Variants in DLGAP3 observed in about 807,000 individuals in gnomAD.
DLGAP3 encodes the protein DLG associated protein 3, also known as disks large-associated protein 3.
In DLGAP3, 17 loss-of-function variants were observed where a neutral mutation model predicts 81.2. The observed-to-expected ratio is 0.21, with a 90% CI of 0.14 to 0.31. The LOEUF is 0.31. Ranked by LOEUF, DLGAP3 falls within the 10% of genes least tolerant of loss-of-function variation. DLGAP3 has a pLI of 1.00. For synonymous variants in DLGAP3, 577 were observed against 587.4 expected, an observed-to-expected ratio of 0.98 and a Z score of 0.26; for missense variants, 1,124 against 1,388.0, an observed-to-expected ratio of 0.81 and a Z score of 3.02.
intron 7 of DLGAP3, 66 bp from the exon 8 acceptor site, chr1:34,885,129 C>A (rs1408215515): frequency 2.6e-5 from 38 of 1,459,484 alleles, no homozygotes; most frequent in Non-Finnish European, 3.2e-5. Flanking sequence ...CCGGGGAGAA[C>A]GGCTAGCAAT....
intron 1 of DLGAP3, among the ~76,000 whole-genome samples, chr1:34,926,359 A>C (rs1482049172): frequency 6.6e-6 from 1 of 152,200 alleles, no homozygotes; most frequent in Non-Finnish European, 1.5e-5. Flanking sequence ...CCTCGTTACC[A>C]TAACGATGGT....
intron 2 of DLGAP3, among the ~76,000 whole-genome samples, chr1:34,907,007 C>G (rs1481930015): frequency 6.6e-6 from 1 of 152,130 alleles, no homozygotes; most frequent in Non-Finnish European, 1.5e-5. Flanking sequence ...GGAGGGATGA[C>G]AGCCTCAAAG....
At chr1:34,891,577 A>G (rs905885783) in intron 5 of DLGAP3, among the ~76,000 whole-genome samples, 1 of 152,208 alleles carries the variant, frequency 6.6e-6, no homozygotes, top group Non-Finnish European at 1.5e-5. Flanking sequence ...TCCCTAGCCA[A>G]TGGAGCTTAT....
In DLGAP3 at chr1:34,905,407, G is replaced by T; in HGVS notation, c.-24C>A. The T allele has an allele frequency of 1.3e-6, 2 of 1,540,676 alleles. No homozygotes were observed. The highest frequency in any genetic ancestry group is 1.8e-6 in the Non-Finnish European group (2 of 1,141,956). On this transcript the variant is annotated 5_prime_UTR_variant, in exon 3 of 12. Transcript: ENST00000373347. ...ATGGCCTCAGCAAAGGCTCTTCATA[G>T]TCTTGGGGGCCAGGCCCCAGGAACC...
rs1165657544 is a variant in DLGAP3 at position 34,873,288 on chromosome 1, A to G, written c.2001-4199T>C. Among the ~76,000 whole-genome samples the G allele has an allele frequency of 1.3e-5, 2 of 152,164 alleles. No individual in the cohort carries two copies. Among genetic ancestry groups the G allele is most frequent in the African/African-American group, 4.8e-5 (2 of 41,446 alleles). ...CCACCAGTTGACCCCAATCATCACA[A>G]TGAAGTGGGCGATGGGGGGTGGTTA... is the stretch of plus-strand genomic sequence containing the variant. On this transcript the variant is annotated intron_variant, in intron 8 of 11. Coordinates refer to ENST00000373347, the MANE Select transcript of DLGAP3 (RefSeq NM_001080418.3). This position sits in a 1 kb window ranked among gnomAD's most constrained non-coding sequence, Gnocchi z 4.2.
chr1:34,913,508 C>G (rs533717110), intron 1 of DLGAP3, among the ~76,000 whole-genome samples: 1 of 152,306 alleles, frequency 6.6e-6, no homozygotes, highest in Admixed American at 6.5e-5. Flanking sequence ...GAGCTGCAAC[C>G]CTGGGTATGT....
At chr1:34,871,307 A>G (rs1638976570) in intron 8 of DLGAP3, among the ~76,000 whole-genome samples, 1 of 152,106 alleles carries the variant, frequency 6.6e-6, no homozygotes, top group African/African-American at 2.4e-5. Context: ...CCTGACTCCA[A>G]GCCTTTGCAC....
chr1:34,868,622 T>A lies in DLGAP3; in HGVS notation c.2468A>T (p.Tyr823Phe). The change falls in exon 9 of 12, where the codon TAT becomes TTT. Residue 823 changes from tyrosine (Y) to phenylalanine (F), a missense_variant. Around this residue, in one of 9 missense-constraint regions of DLGAP3, gnomAD observed 379 missense variants for 455.7 expected, o/e 0.83. Coordinates refer to ENST00000373347, the MANE Select transcript of DLGAP3 (RefSeq NM_001080418.3). The surrounding 1 kb of genome is among the most constrained non-coding windows in gnomAD (Gnocchi z 7.5). Reference protein sequence around the residue: ...CQQMEREAEDYELPEEILEKI... With the variant: ...CQQMEREAEDFELPEEILEKI... ...TGACTCACTCTCCTCGGGTAGCTCATAGTCCTCCGCCTCACGCTCCATCTG... is the reference window on the plus strand; with the variant it reads ...TGACTCACTCTCCTCGGGTAGCTCAAAGTCCTCCGCCTCACGCTCCATCTG... The A allele has an allele frequency of 6.2e-7, 1 of 1,613,004 alleles. No homozygotes were observed. Among genetic ancestry groups the A allele is most frequent in the Non-Finnish European group, 8.5e-7 (1 of 1,179,942 alleles).
Position 34,885,493 on chromosome 1 carries a change from C to T in DLGAP3, c.1899G>A (p.Pro633=). The T allele has an allele frequency of 2.5e-6, 4 of 1,606,518 alleles. No individual in the cohort carries two copies. The highest frequency in any genetic ancestry group is 3.4e-6 in the Non-Finnish European group (4 of 1,179,720). Residue 633 remains proline, a synonymous_variant, in exon 7 of 12, where the codon CCG becomes CCA. Coordinates refer to ENST00000373347, the MANE Select transcript of DLGAP3 (RefSeq NM_001080418.3). ...RSLARQRKWR[P]SIGVQVETIS... The stretch of plus-strand genomic sequence containing the variant: ...CGTTCCATACCTGCACCCCAATGGA[C>T]GGCCGCCACTTCCGCTGCCGCGCCA...
rs58584282 is a variant in DLGAP3, at chr1:34,874,585, A to G, written c.2001-5496T>C. Among the ~76,000 whole-genome samples the G allele has an allele frequency of 4.6e-3, 706 of 152,342 alleles. 8 individuals carry two copies. Among genetic ancestry groups the G allele is most frequent in the African/African-American group, 0.017 (693 of 41,586 alleles). On this transcript the variant is annotated intron_variant, in intron 8 of 11. Coordinates refer to ENST00000373347, the MANE Select transcript of DLGAP3 (RefSeq NM_001080418.3). ...GAAGCCTCCTCCCTTTGAGTGCTCCAAGGTGACAATGATTACATTCCTGAT... is the reference window on the plus strand; with the variant it reads ...GAAGCCTCCTCCCTTTGAGTGCTCCGAGGTGACAATGATTACATTCCTGAT...
intron 5 of DLGAP3, among the ~76,000 whole-genome samples, chr1:34,893,677 T>C (rs1639346674): frequency 6.7e-6 from 1 of 149,196 alleles, no homozygotes; most frequent in Non-Finnish European, 1.5e-5. Flanking sequence ...GCAATGCTCC[T>C]ATATTTTACC....
intron 7 of DLGAP3, 85 bp downstream of exon 7, chr1:34,885,393 A>G: frequency 7.0e-7 from 1 of 1,421,806 alleles, no homozygotes; most frequent in Non-Finnish European, 9.7e-7. Context: ...GAATGTCGAT[A>G]TATCCAGAAG....
At chr1:34,925,057 C>T (rs1315915825) in intron 1 of DLGAP3, among the ~76,000 whole-genome samples, 2 of 152,158 alleles carry the variant, frequency 1.3e-5, no homozygotes, top group Non-Finnish European at 2.9e-5. Flanking sequence ...ATTGCCGGCC[C>T]CGGTAGCCAG....
At chr1:34,872,151 G>C (rs1237672692) in intron 8 of DLGAP3, among the ~76,000 whole-genome samples, 2 of 152,200 alleles carry the variant, frequency 1.3e-5, no homozygotes, top group Non-Finnish European at 2.9e-5. Flanking sequence ...AAGCCAGAAA[G>C]GAAGGGGGAG....
chr1:34,904,259 A>G lies in DLGAP3; in HGVS notation c.1107+18T>C. On this transcript the variant is annotated intron_variant, in intron 3 of 11. Coordinates refer to ENST00000373347, the MANE Select transcript of DLGAP3 (RefSeq NM_001080418.3). The surrounding 1 kb of genome is among the most constrained non-coding windows in gnomAD (Gnocchi z 8.1). ...TGAAGGCTAAGGACTCTGTTCCCCAACCCCAAAAAAGCCTCACCTGCAGAT... is the reference window on the plus strand; with the variant it reads ...TGAAGGCTAAGGACTCTGTTCCCCAGCCCCAAAAAAGCCTCACCTGCAGAT... The G allele has an allele frequency of 6.2e-7, 1 of 1,600,694 alleles. No homozygotes were observed. Among genetic ancestry groups the G allele is most frequent in the Non-Finnish European group, 8.5e-7 (1 of 1,179,896 alleles).
intron 7 of DLGAP3, 89 bp from the exon 8 acceptor site, chr1:34,885,152 A>T (rs1639199275): frequency 7.8e-7 from 1 of 1,286,938 alleles, no homozygotes; most frequent in African/African-American, 1.5e-5. Context: ...CTGCGCCCCA[A>T]GCCAGCTGGC....
chr1:34,901,723 T>C (rs1225245935), intron 3 of DLGAP3, among the ~76,000 whole-genome samples: 1 of 152,208 alleles, frequency 6.6e-6, no homozygotes, highest in East Asian at 1.9e-4. Context: ...TGCCAGGACA[T>C]GTCAATGACA....
At position 34,917,186 on chromosome 1, in the gene DLGAP3, A is replaced by G. The variant is rs115629322; in HGVS notation, c.-134-9749T>C. On this transcript the variant is annotated intron_variant, in intron 1 of 11. Coordinates refer to ENST00000373347, the MANE Select transcript of DLGAP3 (RefSeq NM_001080418.3). ...CACAAATTAACAGGTGTTCAGCCAG[A>G]GGCAAATTACACAGCCACGCAGTCA... Among the ~76,000 whole-genome samples, 765 of 152,252 alleles carry G rather than the reference A, an allele frequency of 5.0e-3. 8 individuals are homozygous for G. Among genetic ancestry groups the G allele is most frequent in the African/African-American group, 0.018 (738 of 41,530 alleles).
chr1:34,900,414 G>T lies in DLGAP3; in HGVS notation c.1108-141C>A, dbSNP rs1227065285. 2 of 861,842 alleles carry T rather than the reference G, an allele frequency of 2.3e-6. No individual in the cohort carries two copies. Among genetic ancestry groups the T allele is most frequent in the Non-Finnish European group, 3.8e-6 (2 of 528,326 alleles). The allele number at this position is 861,842 out of a possible 1,614,324, so 53.4% of individuals were successfully genotyped here. A position where few individuals can be genotyped will look rare whatever the true frequency, so the allele number is the denominator to read the frequency against. On this transcript the variant is annotated intron_variant, in intron 3 of 11. Coordinates refer to ENST00000373347, the MANE Select transcript of DLGAP3 (RefSeq NM_001080418.3). This position sits in a 1 kb window ranked among gnomAD's most constrained non-coding sequence, Gnocchi z 5.6. ...GGTACATGCAGAGGCAGAAGGGGAG[G>T]TAGGGTCTCAGGCTGTCCCCGTCCC...
Sources: allele counts gnomAD v4.1 joint callset (sites outside exome capture counted in the v4.1 genomes callset), GRCh38; gene constraint gnomAD v4.1.1; regional missense constraint gnomAD v4.1.1; non-coding constraint Gnocchi (gnomAD v3.1); transcripts MANE v1.5; gene names NCBI Gene and HGNC (gene_info 2026-07-23, HGNC 2026-07-21).